Variants in TSPAN18 observed in about 807,000 individuals in gnomAD.
The protein encoded by TSPAN18 is tetraspanin 18, also known as tetraspanin-18.
A neutral mutation model predicts 27.3 loss-of-function variants in TSPAN18; 14 were observed. The ratio of observed to expected loss-of-function variants is 0.51; its 90% CI spans 0.34 to 0.80. The LOEUF is 0.80. Among genes scored for constraint, TSPAN18 ranks in the 30% least tolerant of loss-of-function variants. The pLI is 0.01. For synonymous variants in TSPAN18, 143 were observed against 136.5 expected, an observed-to-expected ratio of 1.05 and a Z score of -0.33; for missense variants, 268 against 323.9, an observed-to-expected ratio of 0.83 and a Z score of 1.32.
At chr11:44,910,224 G>A (rs1427181711) in intron 5 of TSPAN18, among the ~76,000 whole-genome samples, 2 of 152,212 alleles carry the variant, frequency 1.3e-5, no homozygotes, top group African/African-American at 4.8e-5. Context: ...TTTTCTCCCT[G>A]GGGTAGCCCT....
chr11:44,835,635 G>A (rs972795531), intron 2 of TSPAN18, among the ~76,000 whole-genome samples: 4 of 151,888 alleles, frequency 2.6e-5, no homozygotes, highest in Non-Finnish European at 4.4e-5. Flanking sequence ...TGTGGGGGGC[G>A]GGGGGATAGG....
At chr11:44,894,107 C>A (rs151276088) in intron 3 of TSPAN18, among the ~76,000 whole-genome samples, 1 of 152,200 alleles carries the variant, frequency 6.6e-6, no homozygotes, top group Non-Finnish European at 1.5e-5. Flanking sequence ...AAGGAGGGAA[C>A]GGGGTGTGCA....
At chr11:44,811,684 A>T (rs1856720786) in intron 2 of TSPAN18, among the ~76,000 whole-genome samples, 1 of 151,898 alleles carries the variant, frequency 6.6e-6, no homozygotes, top group Non-Finnish European at 1.5e-5. Flanking sequence ...TTGGTCACGA[A>T]CTCCTGACCT....
chr11:44,815,268 G>A (rs890780326), intron 2 of TSPAN18, among the ~76,000 whole-genome samples: 2 of 152,252 alleles, frequency 1.3e-5, no homozygotes, highest in Non-Finnish European at 2.9e-5. Context: ...CGGGCTGGAT[G>A]CATTTCTCTC....
intron 3 of TSPAN18, among the ~76,000 whole-genome samples, chr11:44,865,544 T>C (rs577557966): frequency 6.6e-6 from 1 of 152,054 alleles, no homozygotes; most frequent in Non-Finnish European, 1.5e-5. Flanking sequence ...TATAGGCTTC[T>C]TAAAAATTCA....
At chr11:44,838,762 G>A (rs751045661) in intron 2 of TSPAN18, among the ~76,000 whole-genome samples, 36 of 152,284 alleles carry the variant, frequency 2.4e-4, no homozygotes, top group Non-Finnish European at 4.4e-4. Flanking sequence ...CCTCCAAAAG[G>A]AACGTGACTC....
chr11:44,876,588 T>C lies in TSPAN18; in HGVS notation c.-11+16119T>C, dbSNP rs79044785. Among the ~76,000 whole-genome samples, 4 of 152,320 alleles carry C rather than the reference T, an allele frequency of 2.6e-5. No individual in the cohort carries two copies. In the East Asian group the frequency reaches 7.7e-4, roughly 29 times the overall value. On this transcript the variant is annotated intron_variant, in intron 3 of 9. Transcript: ENST00000520358. ...AGGCTGACCAAGGAAGAAAAGGTAT[T>C]GCAGGCCCAGGTTGTAGCACCATCA...
intron 5 of TSPAN18, among the ~76,000 whole-genome samples, chr11:44,916,224 G>A (rs1038529905): frequency 4.0e-4 from 61 of 152,306 alleles, no homozygotes; most frequent in African/African-American, 1.4e-3. Flanking sequence ...GAGAGGCCTC[G>A]GGACCTCTAG....
intron 2 of TSPAN18, among the ~76,000 whole-genome samples, chr11:44,834,181 G>A (rs972076103): frequency 1.3e-5 from 2 of 152,012 alleles, no homozygotes; most frequent in African/African-American, 2.4e-5. Context: ...CAGGGAGATG[G>A]AGGCGAGGTG....
At chr11:44,788,174 A>G (rs560438592) in intron 2 of TSPAN18, among the ~76,000 whole-genome samples, 86 of 152,300 alleles carry the variant, frequency 5.6e-4, no homozygotes, top group African/African-American at 2.0e-3. Context: ...GGACTCAGGG[A>G]GCAGCCCTCA....
intron 2 of TSPAN18, among the ~76,000 whole-genome samples, chr11:44,834,915 C>T (rs936449202): frequency 3.9e-5 from 6 of 152,156 alleles, no homozygotes; most frequent in South Asian, 2.1e-4. Context: ...AGCAAGGGGG[C>T]GAGGTTAGGC....
intron 2 of TSPAN18, among the ~76,000 whole-genome samples, chr11:44,820,554 T>C (rs1260960209): frequency 6.6e-6 from 1 of 152,244 alleles, no homozygotes; most frequent in African/African-American, 2.4e-5. Context: ...CTGTGCATTT[T>C]TGGGCAAGTT....
chr11:44,898,466 A>C (rs1428940687), intron 3 of TSPAN18, among the ~76,000 whole-genome samples: 1 of 152,260 alleles, frequency 6.6e-6, no homozygotes, highest in Non-Finnish European at 1.5e-5. Context: ...GTTTACCTGA[A>C]GTTCCCTTGA....
rs145845056 is a variant in TSPAN18, at chr11:44,730,129, G to T, written c.-240+2842G>T. Among the ~76,000 whole-genome samples, 213 of 152,092 alleles carry T rather than the reference G, an allele frequency of 1.4e-3. 1 individual carries two copies. The highest frequency in any genetic ancestry group is 5.0e-3 in the African/African-American group (206 of 41,494). On this transcript the variant is annotated intron_variant, in intron 1 of 9. Coordinates refer to ENST00000520358, the MANE Select transcript of TSPAN18 (RefSeq NM_130783.5). ...CTGGCTTGCCTCTCTCTGCCCGCCTGTACACAGCAAAATCCTGCGTTGAGT... is the reference window on the plus strand; with the variant it reads ...CTGGCTTGCCTCTCTCTGCCCGCCTTTACACAGCAAAATCCTGCGTTGAGT...
intron 2 of TSPAN18, among the ~76,000 whole-genome samples, chr11:44,858,874 T>C (rs146747662): frequency 9.5e-4 from 144 of 152,314 alleles, no homozygotes; most frequent in African/African-American, 3.2e-3. Flanking sequence ...AAACAATCTC[T>C]GTTGTCACCT....
Position 44,908,819 on chromosome 11 carries a change from GAA to G in TSPAN18, c.64-884_64-883del, listed in dbSNP as rs749250529. On this transcript the variant is annotated intron_variant, in intron 4 of 9. Transcript: ENST00000520358. ...AGAAAGAAAGAAAGAAAGAAAGAAA[GAA>G]AGAAAGAAAAAGAAAAATGGAGCAG... Among the ~76,000 whole-genome samples, 8 of 116,528 alleles carry G rather than the reference GAA, an allele frequency of 6.9e-5. 1 individual carries two copies. Among genetic ancestry groups the G allele is most frequent in the Non-Finnish European group, 7.2e-5 (4 of 55,284 alleles). 76.4% of individuals were successfully genotyped at this position (116,528 alleles called of 152,430 possible).
chr11:44,877,392 C>T (rs1472091718), intron 3 of TSPAN18, among the ~76,000 whole-genome samples: 1 of 152,144 alleles, frequency 6.6e-6, no homozygotes, highest in African/African-American at 2.4e-5. Flanking sequence ...CATGGTCATT[C>T]GAGGGGAGAG....
chr11:44,925,387 T>C (rs1179394181), intron 8 of TSPAN18, among the ~76,000 whole-genome samples: 2 of 152,172 alleles, frequency 1.3e-5, no homozygotes, highest in African/African-American at 4.8e-5. Context: ...GGGGTCTGTT[T>C]CTATCTGGGT....
intron 2 of TSPAN18, among the ~76,000 whole-genome samples, chr11:44,820,247 C>T (rs569276169): frequency 2.6e-5 from 4 of 152,210 alleles, no homozygotes; most frequent in Non-Finnish European, 5.9e-5. Flanking sequence ...TTCTCATAGC[C>T]AACTGGCCAG....
Sources: allele counts gnomAD v4.1 joint callset (sites outside exome capture counted in the v4.1 genomes callset), GRCh38; gene constraint gnomAD v4.1.1; transcripts MANE v1.5; gene names NCBI Gene and HGNC (gene_info 2026-07-23, HGNC 2026-07-21).